Variants in ETFB observed in about 807,000 individuals in gnomAD.
The protein encoded by ETFB is electron transfer flavoprotein subunit beta.
A neutral mutation model predicts 25.6 loss-of-function variants in ETFB; 20 were observed. That is an observed-to-expected ratio of 0.78 (90% CI 0.55 to 1.14). ETFB has a LOEUF of 1.14. ETFB is among the 50% of genes most tolerant of loss of function. ETFB has a pLI of 0.00. For missense variants in ETFB, 286 were observed against 342.6 expected, an observed-to-expected ratio of 0.83 and a Z score of 1.30; for synonymous variants, 142 against 146.7, an observed-to-expected ratio of 0.97 and a Z score of 0.23.
At chr19:51,350,877 A>G (rs1318319718) in intron 3 of ETFB, among the ~76,000 whole-genome samples, 1 of 152,236 alleles carries the variant, frequency 6.6e-6, no homozygotes, top group Non-Finnish European at 1.5e-5. Context: ...TGTAGCACAC[A>G]GGCAGCCATA....
At chr19:51,360,887 G>T (rs1029587390) in intron 1 of ETFB, among the ~76,000 whole-genome samples, 3 of 152,122 alleles carry the variant, frequency 2.0e-5, no homozygotes, top group African/African-American at 7.2e-5. Context: ...CTGGGTTCAA[G>T]CGATTCTCCT....
intron 4 of ETFB, among the ~76,000 whole-genome samples, chr19:51,349,891 C>T (rs1196386743): frequency 6.6e-6 from 1 of 151,914 alleles, no homozygotes; most frequent in Non-Finnish European, 1.5e-5. Flanking sequence ...AGACTACAGG[C>T]GCACGCCACC....
Position 51,347,075 on chromosome 19 carries a change from T to A in ETFB, c.439-17A>T. On this transcript the variant is annotated splice_polypyrimidine_tract_variant and intron_variant, in intron 4 of 5. Transcript: ENST00000309244. ...GAATGTGCCCTGGGGAGGGACAGTG[T>A]AGGAGGAGAGTGGGTGAGGCTAATT... The A allele has an allele frequency of 6.2e-7, 1 of 1,613,678 alleles. No homozygotes were observed. Among genetic ancestry groups the A allele is most frequent in the Non-Finnish European group, 8.5e-7 (1 of 1,179,874 alleles).
Position 51,354,149 on chromosome 19 carries a change from C to G in ETFB, c.216+1G>C, listed in dbSNP as rs781748603. On this transcript the variant is annotated splice_donor_variant, in intron 2 of 5. Coordinates refer to ENST00000309244, the MANE Select transcript of ETFB (RefSeq NM_001985.3). LOFTEE classifies it high-confidence loss of function. ...AGCCCCCTCCCCAAGACCTTCATCACCTGGCACTGTGCAGGCCCACAGCTG... is the reference window on the plus strand; with the variant it reads ...AGCCCCCTCCCCAAGACCTTCATCAGCTGGCACTGTGCAGGCCCACAGCTG... The G allele has an allele frequency of 1.2e-6, 2 of 1,613,874 alleles. No individual in the cohort carries two copies. The highest frequency in any genetic ancestry group is 1.7e-6 in the Non-Finnish European group (2 of 1,179,974).
At chr19:51,360,766 TTC>T (rs34680105) in intron 1 of ETFB, among the ~76,000 whole-genome samples, 4,682 of 150,054 alleles carry the variant, frequency 0.031, 255 homozygotes, top group African/African-American at 0.11. Context: ...CTTTCTCTCT[TTC>T]TCTCTCTCTC....
At chr19:51,352,858 C>T (rs953221160) in intron 3 of ETFB, among the ~76,000 whole-genome samples, 2 of 152,066 alleles carry the variant, frequency 1.3e-5, no homozygotes, top group African/African-American at 4.8e-5. Flanking sequence ...AAACTCTCGA[C>T]CTCAAGTGAT....
At chr19:51,350,477 A>C in intron 3 of ETFB, 86 bp from the exon 4 acceptor site, 3 of 751,968 alleles carry the variant, frequency 4.0e-6, no homozygotes, top group South Asian at 2.9e-5. Flanking sequence ...GGGTTGGCAA[A>C]CTTTTTCTTT....
At chr19:51,345,517 C>A in intron 5 of ETFB, 136 bp from the exon 6 acceptor site, 2 of 876,258 alleles carry the variant, frequency 2.3e-6, no homozygotes, top group Non-Finnish European at 1.8e-6. Context: ...GGCCAGGACA[C>A]GCGAAACTTC....
At chr19:51,354,070 C>T in intron 2 of ETFB, 80 bp downstream of exon 2, 1 of 1,524,844 alleles carries the variant, frequency 6.6e-7, no homozygotes, top group South Asian at 1.2e-5. Flanking sequence ...CCTCCTCCTC[C>T]CTCAGACCCA....
chr19:51,359,156 A>G (rs1986159972), intron 1 of ETFB, among the ~76,000 whole-genome samples: 1 of 150,890 alleles, frequency 6.6e-6, no homozygotes, highest in Non-Finnish European at 1.5e-5. Flanking sequence ...GGCTCAGGTG[A>G]TCCTCCCACT....
chr19:51,363,649 A>G (rs531477583), intron 1 of ETFB, among the ~76,000 whole-genome samples: 1 of 152,076 alleles, frequency 6.6e-6, no homozygotes, highest in Admixed American at 6.6e-5. Context: ...GGGTTTCACC[A>G]TGTTGGCCTG....
intron 2 of ETFB, 34 bp from the exon 3 acceptor site, chr19:51,353,324 A>T (rs773516523): frequency 7.4e-6 from 12 of 1,612,968 alleles, no homozygotes; most frequent in Non-Finnish European, 5.1e-6. Context: ...CTTGGCTGCT[A>T]TCCTCAGGGG....
intron 5 of ETFB, 81 bp from the exon 6 acceptor site, chr19:51,345,462 C>T: frequency 7.1e-7 from 1 of 1,405,432 alleles, no homozygotes; most frequent in South Asian, 1.2e-5. Flanking sequence ...GGGTGCCAGG[C>T]CTGCAGACCA....
intron 4 of ETFB, 125 bp from the exon 5 acceptor site, chr19:51,347,183 G>T: frequency 1.0e-6 from 1 of 977,604 alleles, no homozygotes; most frequent in Non-Finnish European, 1.6e-6. Flanking sequence ...GAACAATGCA[G>T]GGTCCCATGA....
Position 51,351,576 on chromosome 19 carries a change from G to T in ETFB, c.376-1185C>A, listed in dbSNP as rs185555642. Among the ~76,000 whole-genome samples the T allele has an allele frequency of 2.5e-3, 383 of 152,328 alleles. 2 individuals carry two copies. The highest frequency in any genetic ancestry group is 9.0e-3 in the African/African-American group (373 of 41,578). ...GTCTGAGAACGACCAGCAAATGCAGGGGGCTGCAAAGGCCATGCTTCCAGC... is the reference window on the plus strand; with the variant it reads ...GTCTGAGAACGACCAGCAAATGCAGTGGGCTGCAAAGGCCATGCTTCCAGC... On this transcript the variant is annotated intron_variant, in intron 3 of 5. Coordinates refer to ENST00000309244, the MANE Select transcript of ETFB (RefSeq NM_001985.3).
intron 2 of ETFB, among the ~76,000 whole-genome samples, chr19:51,353,536 C>CAG (rs1985985156): frequency 0.016 from 1 of 62 alleles, no homozygotes; most frequent in Non-Finnish European, 0.031. Context: ...GAGTCCGGGC[C>CAG]CCCATCCCCT....
chr19:51,355,788 TG>T (rs763418760), intron 1 of ETFB: 27 of 151,904 alleles, frequency 1.8e-4, no homozygotes, highest in Admixed American at 3.9e-4. Context: ...TCATGTCCTT[TG>T]TAGGGACATG....
chr19:51,353,234 C>A lies in ETFB; in HGVS notation c.273G>T (p.Val91=), dbSNP rs766349894. 6.2e-7 allele frequency: 1 copy of A among 1,614,044 alleles called. No individual in the cohort carries two copies. The highest frequency in any genetic ancestry group is 8.5e-7 in the Non-Finnish European group (1 of 1,179,998). The change falls in exon 3 of 6, where the codon GTG becomes GTT. Residue 91 remains valine (V), a synonymous_variant. Transcript: ENST00000309244. ...MGADRGIHVE[V]PPAEAERLGP... ...CCAAGCGTTCTGCTTCTGCTGGGGG[C>A]ACCTCCACGTGGATACCTCGGTCTG... is the stretch of plus-strand genomic sequence containing the variant.
intron 3 of ETFB, among the ~76,000 whole-genome samples, chr19:51,350,883 C>G (rs1985919932): frequency 6.6e-6 from 1 of 152,120 alleles, no homozygotes; most frequent in Admixed American, 6.6e-5. Context: ...ACACAGGCAG[C>G]CATAAATAAT....
Sources: gnomAD v4.1 joint callset for allele counts (sites outside exome capture counted in the v4.1 genomes callset) on GRCh38, gnomAD v4.1.1 for gene constraint, MANE v1.5 for transcripts, NCBI Gene and HGNC (gene_info 2026-07-23, HGNC 2026-07-21) for gene names.